Variants in CSMD1 observed in about 807,000 individuals in gnomAD.
CSMD1 encodes CUB and Sushi multiple domains 1, also known as CUB and sushi domain-containing protein 1.
In CSMD1, 213 loss-of-function variants were observed where a neutral mutation model predicts 417.5. The observed-to-expected ratio is 0.51, with a 90% CI of 0.46 to 0.57. The LOEUF (loss-of-function observed/expected upper bound fraction) is 0.57, where lower values mean the gene tolerates loss of function less well. CSMD1 is among the 20% of genes least tolerant of loss of function. The pLI, the probability that CSMD1 is intolerant of heterozygous loss-of-function variation, is 0.00. For synonymous variants in CSMD1, 2,862 were observed against 1,736.8 expected (o/e 1.65, Z -16.11); for missense variants, 6,923 against 4,529.7 (o/e 1.53, Z -15.17).
intron 10 of CSMD1, among the ~76,000 whole-genome samples, chr8:3,516,308 A>G (rs1797279827): frequency 6.6e-6 from 1 of 152,256 alleles, no homozygotes; most frequent in Non-Finnish European, 1.5e-5. Context: ...ATTATAAAGA[A>G]TCCAAAGAAG....
intron 3 of CSMD1, among the ~76,000 whole-genome samples, chr8:4,225,396 C>T (rs991795439): frequency 5.9e-5 from 9 of 151,870 alleles, no homozygotes; most frequent in South Asian, 4.1e-4. Context: ...ATTTCTAGTT[C>T]GTAAGCCTCT....
intron 1 of CSMD1, among the ~76,000 whole-genome samples, chr8:4,784,224 G>C (rs907038732): frequency 6.6e-6 from 1 of 152,058 alleles, no homozygotes; most frequent in Non-Finnish European, 1.5e-5. Flanking sequence ...TGAACATTGC[G>C]GCCTATTGTA....
intron 1 of CSMD1, among the ~76,000 whole-genome samples, chr8:4,805,790 C>T (rs1052735926): frequency 6.6e-6 from 1 of 152,076 alleles, no homozygotes; most frequent in Non-Finnish European, 1.5e-5. Flanking sequence ...AGGGTGAACA[C>T]GTTGAGATGA....
intron 1 of CSMD1, among the ~76,000 whole-genome samples, chr8:4,798,445 G>A (rs1262954029): frequency 6.6e-6 from 1 of 152,094 alleles, no homozygotes; most frequent in Non-Finnish European, 1.5e-5. Flanking sequence ...TTAAAAAGGA[G>A]ATGAGATTTT....
chr8:3,848,406 G>GT (rs1458152320), intron 5 of CSMD1, among the ~76,000 whole-genome samples: 1 of 152,120 alleles, frequency 6.6e-6, no homozygotes, highest in Admixed American at 6.5e-5. Flanking sequence ...CATAGTTGGT[G>GT]TTTTTTAAAA....
intron 4 of CSMD1, among the ~76,000 whole-genome samples, chr8:4,014,027 G>C (rs984252992): frequency 6.6e-6 from 1 of 152,048 alleles, no homozygotes; most frequent in Admixed American, 6.6e-5. Context: ...AAGGACATAC[G>C]GAGAAATATT....
intron 1 of CSMD1, among the ~76,000 whole-genome samples, chr8:4,730,556 C>A (rs1158739367): frequency 6.6e-6 from 1 of 151,816 alleles, no homozygotes; most frequent in Non-Finnish European, 1.5e-5. Context: ...CTGGCTAACA[C>A]GGTGAAACTC....
chr8:4,609,975 T>G (rs922078906), intron 2 of CSMD1, among the ~76,000 whole-genome samples: 29 of 152,032 alleles, frequency 1.9e-4, no homozygotes, highest in African/African-American at 6.5e-4. Flanking sequence ...GGTAATTCCT[T>G]CAATAGCTTA....
intron 11 of CSMD1, among the ~76,000 whole-genome samples, chr8:3,473,774 T>C (rs986017266): frequency 1.7e-4 from 26 of 152,162 alleles, no homozygotes; most frequent in Non-Finnish European, 1.2e-4. Context: ...ACTCTCACAC[T>C]GCTATGAAGA....
intron 12 of CSMD1, among the ~76,000 whole-genome samples, chr8:3,443,761 G>C (rs1815137063): frequency 1.3e-5 from 2 of 152,158 alleles, no homozygotes; most frequent in South Asian, 2.1e-4. Flanking sequence ...AAAGGACCTT[G>C]AAATACAGTA....
intron 2 of CSMD1, among the ~76,000 whole-genome samples, chr8:4,600,778 T>C (rs563786026): frequency 6.6e-6 from 1 of 152,156 alleles, no homozygotes; most frequent in Non-Finnish European, 1.5e-5. Context: ...GATAAATTGT[T>C]AGTAACTTCA....
rs373840776 is a variant in CSMD1 at position 3,928,153 on chromosome 8, T to A, written c.818+69750A>T. The stretch of plus-strand genomic sequence containing the variant: ...ATAGATTTAATTGCCTGTTGGACAT[T>A]TACATTTCAATGAAGCAGCTCAGAA... On this transcript the variant is annotated intron_variant, in intron 5 of 69. Transcript: ENST00000635120. 3.9e-5 allele frequency among the ~76,000 whole-genome samples: 6 copies of A among 152,290 alleles called. No individual in the cohort carries two copies. The East Asian group carries it at 9.6e-4, about 24-fold the overall frequency.
intron 3 of CSMD1, among the ~76,000 whole-genome samples, chr8:4,298,632 C>T (rs937857531): frequency 6.6e-6 from 1 of 152,026 alleles, no homozygotes; most frequent in Non-Finnish European, 1.5e-5. Flanking sequence ...CGTTATAGAA[C>T]ATCACAATTT....
At chr8:3,597,860 T>G (rs950416640) in intron 8 of CSMD1, among the ~76,000 whole-genome samples, 3 of 152,040 alleles carry the variant, frequency 2.0e-5, no homozygotes, top group African/African-American at 7.2e-5. Flanking sequence ...AGGGGAGGGA[T>G]AGCATTAGCA....
intron 23 of CSMD1, among the ~76,000 whole-genome samples, chr8:3,321,052 G>A (rs1806122460): frequency 6.6e-6 from 1 of 152,050 alleles, no homozygotes; most frequent in Non-Finnish European, 1.5e-5. Flanking sequence ...TGAAAGACAC[G>A]CAACTCTCAA....
At chr8:3,503,323 T>A (rs920617074) in intron 10 of CSMD1, among the ~76,000 whole-genome samples, 4 of 152,212 alleles carry the variant, frequency 2.6e-5, no homozygotes, top group Non-Finnish European at 4.4e-5. Flanking sequence ...TGCACTGCTA[T>A]GAAGAAGAGG....
chr8:4,564,835 G>A (rs779416395), intron 2 of CSMD1, among the ~76,000 whole-genome samples: 4 of 152,156 alleles, frequency 2.6e-5, no homozygotes, highest in Admixed American at 6.5e-5. Flanking sequence ...TGTGGGATGC[G>A]TCCAGCATTT....
chr8:3,674,959 A>C (rs1400872161), intron 7 of CSMD1, among the ~76,000 whole-genome samples: 1 of 152,206 alleles, frequency 6.6e-6, no homozygotes, highest in East Asian at 1.9e-4. Flanking sequence ...GGCCAAAAAC[A>C]TAAACAGGCA....
At chr8:3,423,131 T>C (rs1437020101) in intron 12 of CSMD1, among the ~76,000 whole-genome samples, 2 of 152,220 alleles carry the variant, frequency 1.3e-5, no homozygotes, top group Non-Finnish European at 2.9e-5. Flanking sequence ...CATAGTTCAA[T>C]GATATTTTTA....
Sources: allele counts gnomAD v4.1 joint callset (sites outside exome capture counted in the v4.1 genomes callset), GRCh38; gene constraint gnomAD v4.1.1; transcripts MANE v1.5; gene names NCBI Gene and HGNC (gene_info 2026-07-23, HGNC 2026-07-21).